Variants in PCDH7 observed in about 807,000 individuals in gnomAD.
PCDH7 encodes protocadherin 7.
PCDH7 carries 17 observed loss-of-function variants against 58.9 expected under a neutral mutation model. The ratio of observed to expected loss-of-function variants is 0.29; its 90% CI spans 0.20 to 0.43. PCDH7 has a LOEUF of 0.43. PCDH7 is among the 20% of genes least tolerant of loss of function. The pLI is 1.00. For missense variants in PCDH7, 1,274 were observed against 1,441.0 expected, an observed-to-expected ratio of 0.88 and a Z score of 1.88; for synonymous variants, 664 against 616.4, an observed-to-expected ratio of 1.08 and a Z score of -1.14.
chr4:30,938,479 CAT>C (rs949801087), intron 2 of PCDH7, among the ~76,000 whole-genome samples: 4 of 109,562 alleles, frequency 3.7e-5, no homozygotes, highest in Non-Finnish European at 7.4e-5. Flanking sequence ...TGGGGAAAAA[CAT>C]ACACACACAC....
intron 1 of PCDH7, among the ~76,000 whole-genome samples, chr4:30,791,659 G>A (rs760521545): frequency 6.6e-6 from 1 of 152,060 alleles, no homozygotes; most frequent in Non-Finnish European, 1.5e-5. Context: ...GCAGATACAA[G>A]TTCTCCAGTT....
intron 1 of PCDH7, among the ~76,000 whole-genome samples, chr4:30,914,750 A>G (rs1228759377): frequency 6.6e-6 from 1 of 152,186 alleles, no homozygotes; most frequent in African/African-American, 2.4e-5. Flanking sequence ...GGCTCTTTTT[A>G]TAAACTATCT....
At chr4:30,750,454 C>T (rs932408237) in intron 1 of PCDH7, among the ~76,000 whole-genome samples, 1 of 152,006 alleles carries the variant, frequency 6.6e-6, no homozygotes, top group Non-Finnish European at 1.5e-5. Context: ...AGTCTAGATA[C>T]CTAGACTCAA....
chr4:31,002,094 T>C (rs150037018), intron 3 of PCDH7, among the ~76,000 whole-genome samples: 156 of 152,282 alleles, frequency 1.0e-3, no homozygotes, highest in African/African-American at 3.5e-3. Flanking sequence ...TGCTCCCCCA[T>C]CCCTACAAAC....
chr4:31,041,587 C>G (rs1014836518), intron 3 of PCDH7, among the ~76,000 whole-genome samples: 5 of 152,050 alleles, frequency 3.3e-5, no homozygotes, highest in African/African-American at 1.2e-4. Flanking sequence ...CCCCCACCCC[C>G]TTGCATTGAG....
At chr4:31,033,637 T>G (rs1203118629) in intron 3 of PCDH7, among the ~76,000 whole-genome samples, 1 of 152,184 alleles carries the variant, frequency 6.6e-6, no homozygotes. Context: ...CTTACTTGCA[T>G]AGACAGTTTA....
chr4:30,751,124 C>T (rs187462942), intron 1 of PCDH7, among the ~76,000 whole-genome samples: 41 of 152,164 alleles, frequency 2.7e-4, no homozygotes, highest in African/African-American at 8.4e-4. Flanking sequence ...GCTGGAGAAT[C>T]GTGCACAGGT....
intron 2 of PCDH7, among the ~76,000 whole-genome samples, chr4:30,920,935 A>G (rs1255565197): frequency 1.3e-5 from 2 of 151,542 alleles, no homozygotes; most frequent in African/African-American, 4.9e-5. Flanking sequence ...ATTCAAGTAT[A>G]AGGTTTTTTT....
At chr4:31,133,723 C>T (rs567606285) in intron 3 of PCDH7, among the ~76,000 whole-genome samples, 1 of 152,264 alleles carries the variant, frequency 6.6e-6, no homozygotes, top group South Asian at 2.1e-4. Context: ...TGCTGTAGTG[C>T]AGTTTTCATG....
At chr4:30,830,802 A>C (rs181233240) in intron 1 of PCDH7, among the ~76,000 whole-genome samples, 1 of 152,186 alleles carries the variant, frequency 6.6e-6, no homozygotes, top group Admixed American at 6.6e-5. Context: ...TGATCTCATT[A>C]TTCCAAAAGT....
At chr4:31,105,040 C>T (rs1310016598) in intron 3 of PCDH7, among the ~76,000 whole-genome samples, 4 of 152,096 alleles carry the variant, frequency 2.6e-5, no homozygotes, top group African/African-American at 9.7e-5. Context: ...TGGAAAACGG[C>T]TTCATTTTGA....
At chr4:31,005,335 A>T (rs1161133227) in intron 3 of PCDH7, among the ~76,000 whole-genome samples, 1 of 152,122 alleles carries the variant, frequency 6.6e-6, no homozygotes, top group African/African-American at 2.4e-5. Context: ...AGTGATGTGG[A>T]AGGAAGGAAA....
intron 1 of PCDH7, among the ~76,000 whole-genome samples, chr4:30,858,651 C>G (rs1733791647): frequency 6.6e-6 from 1 of 152,108 alleles, no homozygotes; most frequent in South Asian, 2.1e-4. Flanking sequence ...ATCTCTGTAG[C>G]AAAGAGAGAG....
intron 1 of PCDH7, among the ~76,000 whole-genome samples, chr4:30,812,838 G>A (rs1727193894): frequency 6.6e-6 from 1 of 152,154 alleles, no homozygotes; most frequent in African/African-American, 2.4e-5. Flanking sequence ...TAGTAGGTGA[G>A]CTTATGAATT....
At position 31,135,215 on chromosome 4, in the gene PCDH7, C is replaced by T. The variant is rs16884397; in HGVS notation, c.*8-7258C>T. Among the ~76,000 whole-genome samples, 1,123 of 152,254 alleles carry T rather than the reference C, an allele frequency of 7.4e-3. 11 individuals are homozygous for T. Among genetic ancestry groups the T allele is most frequent in the African/African-American group, 0.025 (1,053 of 41,554 alleles). ...TGACCCATCTTTTAATGGAGCTGCT[C>T]CTCGTGCTGCCCATGCAAGCAAAGC... On this transcript the variant is annotated intron_variant, in intron 3 of 3. Coordinates refer to the PCDH7 transcript ENST00000509759.
intron 1 of PCDH7, among the ~76,000 whole-genome samples, chr4:30,919,038 A>C (rs4692490): frequency 2.6e-5 from 4 of 151,902 alleles, no homozygotes; most frequent in Admixed American, 2.6e-4. Flanking sequence ...TGCAAAAAAG[A>C]TTTTGTAAAC....
intron 3 of PCDH7, among the ~76,000 whole-genome samples, chr4:31,127,383 T>C (rs980549920): frequency 6.6e-6 from 1 of 152,218 alleles, no homozygotes; most frequent in Admixed American, 6.5e-5. Context: ...TAATTTGACA[T>C]TGTGACAGAT....
At chr4:30,750,921 T>G (rs1256531677) in intron 1 of PCDH7, among the ~76,000 whole-genome samples, 1 of 152,016 alleles carries the variant, frequency 6.6e-6, no homozygotes, top group Non-Finnish European at 1.5e-5. Context: ...TCTTGCAGAA[T>G]AGGTGATATT....
At chr4:30,857,356 C>T (rs567213753) in intron 1 of PCDH7, among the ~76,000 whole-genome samples, 1 of 152,208 alleles carries the variant, frequency 6.6e-6, no homozygotes, top group African/African-American at 2.4e-5. Flanking sequence ...AAGTTAACTC[C>T]CCTCACTCGG....
Sources: gnomAD v4.1 joint callset for allele counts (sites outside exome capture counted in the v4.1 genomes callset) on GRCh38, gnomAD v4.1.1 for gene constraint, MANE v1.5 for transcripts, NCBI Gene and HGNC (gene_info 2026-07-23, HGNC 2026-07-21) for gene names.